The following PRDX3 variants were observed in gnomAD, a reference collection of about 807,000 sequenced individuals.
The protein encoded by PRDX3 is thioredoxin-dependent peroxide reductase, mitochondrial.
A neutral mutation model predicts 30.4 loss-of-function variants in PRDX3; 20 were observed. The observed-to-expected ratio is 0.66, with a 90% confidence interval of 0.46 to 0.96. The LOEUF (loss-of-function observed/expected upper bound fraction) is 0.96. PRDX3 is among the 40% of genes least tolerant of loss of function. The pLI is 0.00. For synonymous variants in PRDX3, 124 were observed against 117.8 expected (o/e 1.05, Z -0.34); for missense variants, 322 against 318.3 (o/e 1.01, Z -0.09).
chr10:119,173,700 G>A (rs751391442), intron 4 of PRDX3, 37 bp downstream of exon 4: 7 of 1,599,296 alleles, frequency 4.4e-6, no homozygotes, highest in Middle Eastern at 2.3e-4. Flanking sequence ...TTCCAAGCAA[G>A]TTTATAAGAG....
chr10:119,169,244 T>A lies in PRDX3; in HGVS notation c.650A>T (p.Lys217Met), dbSNP rs1847846292. The change falls in exon 6 of 7, where the codon AAG (lysine) becomes ATG (methionine). Residue 217 changes from lysine to methionine, a missense_variant. Lys to Met is a moderately conservative substitution (Grantham distance 95, BLOSUM62 -1). Coordinates refer to ENST00000298510, the MANE Select transcript of PRDX3 (RefSeq NM_006793.5). ...ATGTGTTTCTACATACTGGAACGCC[T>A]TCACCAAGCGGAGGGTTTCTTCCAC... ...RSVEETLRLVKAFQYVETHGE... is the reference protein window; with the variant it reads ...RSVEETLRLVMAFQYVETHGE... 5 of 1,613,612 alleles carry A rather than the reference T, an allele frequency of 3.1e-6. No homozygotes were observed. Among genetic ancestry groups the A allele is most frequent in the Non-Finnish European group, 4.2e-6 (5 of 1,180,014 alleles).
At chr10:119,176,952 C>A in intron 2 of PRDX3, 69 bp downstream of exon 2, 1 of 1,587,548 alleles carries the variant, frequency 6.3e-7, no homozygotes, top group Non-Finnish European at 8.6e-7. Context: ...GGGTTCAGAG[C>A]CCCTGTCCAG....
rs1554891476 is a variant in PRDX3, at chr10:119,173,622, A to AAC, written c.447+114_447+115insGT. ...GAAGCTCCGTCTCAAAAAAAAAAAA[A>AAC]AAAAAAAACCCAACCCTTGCGTAAT... On this transcript the variant is annotated intron_variant, in intron 4 of 6. Coordinates refer to ENST00000298510, the MANE Select transcript of PRDX3 (RefSeq NM_006793.5). The AAC allele has an allele frequency of 3.0e-3, 2,906 of 961,674 alleles. 4 individuals are homozygous for AAC. The highest frequency in any genetic ancestry group is 3.6e-3 in the African/African-American group (209 of 57,728). 59.6% of individuals were successfully genotyped at this position (961,674 alleles called of 1,614,324 possible). A position where few individuals can be genotyped will look rare whatever the true frequency, so the allele number is the denominator to read the frequency against.
chr10:119,175,513 A>G (rs899511353), intron 2 of PRDX3, among the ~76,000 whole-genome samples: 1 of 152,178 alleles, frequency 6.6e-6, no homozygotes, highest in Non-Finnish European at 1.5e-5. Flanking sequence ...CTCCGGCCTC[A>G]GCCTCCCGAG....
At chr10:119,174,974 C>T (rs1847993121) in intron 2 of PRDX3, among the ~76,000 whole-genome samples, 1 of 152,178 alleles carries the variant, frequency 6.6e-6, no homozygotes, top group South Asian at 2.1e-4. Context: ...AGTATAGACA[C>T]AACCATCCAT....
At chr10:119,172,631 T>C (rs1021408219) in intron 4 of PRDX3, 146 bp from the exon 5 acceptor site, 4 of 704,130 alleles carry the variant, frequency 5.7e-6, no homozygotes, top group Non-Finnish European at 7.5e-6. Flanking sequence ...ATTAACCTAC[T>C]GCCTCCTCGA....
chr10:119,174,537 T>C lies in PRDX3; in HGVS notation c.225A>G (p.Thr75=). 1 of 1,612,422 alleles carries C rather than the reference T, an allele frequency of 6.2e-7. No homozygotes were observed. Among genetic ancestry groups the C allele is most frequent in the Middle Eastern group, 1.7e-4 (1 of 6,056 alleles). Residue 75 remains threonine, a synonymous_variant, in exon 3 of 7, where the codon ACA becomes ACG. Coordinates refer to ENST00000298510, the MANE Select transcript of PRDX3 (RefSeq NM_006793.5). ...CTTTGAACTCTCCATTGACAACGGC[T>C]GTACCCTTAAAATAGGGTGCATGCT... ...VTQHAPYFKG[T]AVVNGEFKDL...
chr10:119,176,890 G>T, intron 2 of PRDX3, 131 bp downstream of exon 2: 1 of 1,072,276 alleles, frequency 9.3e-7, no homozygotes, highest in Non-Finnish European at 1.4e-6. Context: ...GGGGTGGGAC[G>T]GGGGCAGTGC....
rs371560438 is a variant in PRDX3 at position 119,177,147 on chromosome 10, G to A, written c.43C>T (p.Arg15Ter). 31 of 1,612,974 alleles carry A rather than the reference G, an allele frequency of 1.9e-5. No individual in the cohort carries two copies. The highest frequency in any genetic ancestry group is 5.5e-5 in the South Asian group (5 of 91,024). The stretch of plus-strand genomic sequence containing the variant: ...CCCCAAGGAATGGCACTCACATGTC[G>A]GGCAACCTGGAAAGAGAAACTTTTT... ...VGRLLRASVA[R>*]HVSAIPWGIS... Residue 15 changes from arginine (R) to a stop codon, truncating the protein, a stop_gained, in exon 2 of 7, where the codon CGA (arginine) becomes TGA (stop). Transcript: ENST00000298510. LOFTEE classifies it high-confidence loss of function.
intron 1 of PRDX3, 102 bp downstream of exon 1, chr10:119,178,653 G>T: frequency 7.2e-7 from 1 of 1,396,736 alleles, no homozygotes; most frequent in Admixed American, 2.0e-5. Context: ...CTCCAAGAAG[G>T]GCGAATGGCC....
intron 5 of PRDX3, chr10:119,170,183 C>T (rs1360858963): frequency 3.3e-5 from 5 of 152,150 alleles, no homozygotes; most frequent in African/African-American, 1.2e-4. Flanking sequence ...TTTTAACAGT[C>T]TGTCTTAAAA....
Position 119,177,166 on chromosome 10 carries a change from A to T in PRDX3, c.37-13T>A. The T allele has an allele frequency of 2.5e-6, 4 of 1,612,112 alleles. No individual in the cohort carries two copies. Among genetic ancestry groups the T allele is most frequent in the Non-Finnish European group, 3.4e-6 (4 of 1,179,650 alleles). On this transcript the variant is annotated splice_polypyrimidine_tract_variant and intron_variant, in intron 1 of 6. Transcript: ENST00000298510. ...CATGTCGGGCAACCTGGAAAGAGAA[A>T]CTTTTTATTAGAAAGTTTTCCTGGA...
chr10:119,178,761 T>C lies in PRDX3; in HGVS notation c.30A>G (p.Arg10=), dbSNP rs941381804. The C allele has an allele frequency of 3.7e-5, 58 of 1,552,312 alleles. No individual in the cohort carries two copies. The East Asian group carries it at 1.4e-3, about 37-fold the overall frequency. MAAAVGRLL[R]ASVARHVSAI... is the part of the protein sequence containing the mutation. Reference sequence around the variant, plus strand: ...CCAGCCGACAGCCACTCACCGACGCTCGGAGCAACCGTCCTACAGCAGCCG... The same window carrying C: ...CCAGCCGACAGCCACTCACCGACGCCCGGAGCAACCGTCCTACAGCAGCCG... Residue 10 remains arginine (R), a synonymous_variant, in exon 1 of 7, where the codon CGA becomes CGG. Transcript: ENST00000298510.
chr10:119,170,096 C>G (rs1484784071), intron 5 of PRDX3: 1 of 152,370 alleles, frequency 6.6e-6, no homozygotes, highest in Non-Finnish European at 1.5e-5. Flanking sequence ...TCTGGCTCAA[C>G]TGATCCTCCC....
intron 2 of PRDX3, among the ~76,000 whole-genome samples, chr10:119,176,754 G>GACC (rs1256321748): frequency 1.3e-5 from 2 of 152,194 alleles, no homozygotes; most frequent in African/African-American, 4.8e-5. Flanking sequence ...CAACACAGTG[G>GACC]ATTAGAAACT....
intron 1 of PRDX3, among the ~76,000 whole-genome samples, chr10:119,177,668 A>C (rs1380694329): frequency 6.6e-6 from 1 of 151,292 alleles, no homozygotes; most frequent in African/African-American, 2.4e-5. Context: ...AAAAAAAAAA[A>C]ATCAGAAACT....
intron 2 of PRDX3, among the ~76,000 whole-genome samples, chr10:119,174,941 CA>C (rs1038795962): frequency 3.8e-3 from 6 of 1,572 alleles, no homozygotes; most frequent in African/African-American, 4.9e-3. Context: ...TAGGGAATGA[CA>C]AGAAAAAAAG....
In PRDX3 at chr10:119,168,358, C is replaced by T; in HGVS notation, c.*122G>A. 1.3e-6 allele frequency: 2 copies of T among 1,527,918 alleles called. No homozygotes were observed. The highest frequency in any genetic ancestry group is 1.7e-6 in the Non-Finnish European group (2 of 1,144,852). The allele number at this position is 1,527,918 out of a possible 1,614,324, so 94.6% of individuals were successfully genotyped here. ...CAAAAACAAAACATTTAGAGTAATA[C>T]TTATGAATACAAGCATAATTGGTTC... On this transcript the variant is annotated 3_prime_UTR_variant, in exon 7 of 7. Coordinates refer to ENST00000298510, the MANE Select transcript of PRDX3 (RefSeq NM_006793.5).
chr10:119,176,017 C>T (rs1848018255), intron 2 of PRDX3, among the ~76,000 whole-genome samples: 2 of 151,890 alleles, frequency 1.3e-5, no homozygotes, highest in Non-Finnish European at 2.9e-5. Context: ...CTCCTGACCT[C>T]AAGTAATTCG....
Sources: gnomAD v4.1 joint callset for allele counts (sites outside exome capture counted in the v4.1 genomes callset) on GRCh38, gnomAD v4.1.1 for gene constraint, MANE v1.5 for transcripts, NCBI Gene and HGNC (gene_info 2026-07-23, HGNC 2026-07-21) for gene names.